The following SMYD2 variants were observed in gnomAD, a reference collection of about 807,000 sequenced individuals.
The protein encoded by SMYD2 is N-lysine methyltransferase SMYD2.
Under a neutral mutation model 59.1 loss-of-function variants are expected in SMYD2, and 53 were observed. The ratio of observed to expected loss-of-function variants is 0.90; its 90% confidence interval spans 0.72 to 1.13. The LOEUF is 1.13. Among genes scored for constraint, SMYD2 ranks in the 50% most tolerant of loss-of-function variants. The probability of loss-of-function intolerance (pLI) is 0.00; values close to 1 mark genes in which losing one functional copy is unlikely to be tolerated. For synonymous variants in SMYD2, 208 were observed against 198.8 expected, an observed-to-expected ratio of 1.05 and a Z score of -0.39; for missense variants, 494 against 544.7, an observed-to-expected ratio of 0.91 and a Z score of 0.93.
intron 6 of SMYD2, among the ~76,000 whole-genome samples, 198 bp downstream of exon 6, chr1:214,324,906 A>G (rs1020938888): frequency 2.6e-5 from 4 of 152,240 alleles, no homozygotes; most frequent in Non-Finnish European, 5.9e-5. Context: ...TTAAGAGAAC[A>G]GTTGCTTGTT....
rs532073373 is a variant in SMYD2, at chr1:214,312,572, G to A, written c.238-2190G>A. Among the ~76,000 whole-genome samples the A allele has an allele frequency of 1.8e-4, 28 of 152,278 alleles. 1 individual carries two copies. In the South Asian group the frequency reaches 5.4e-3, roughly 29 times the overall value. The stretch of plus-strand genomic sequence containing the variant: ...CTTGAGAAGGTGACATTCCAGCAGC[G>A]GCTGGAGAGGAGGGAGGGAGTCACA... On this transcript the variant is annotated intron_variant, in intron 2 of 11. Coordinates refer to ENST00000366957, the MANE Select transcript of SMYD2 (RefSeq NM_020197.3). This position sits in a 1 kb window ranked among gnomAD's most constrained non-coding sequence, Gnocchi z 4.1.
At chr1:214,302,401 A>G (rs1456245004) in intron 1 of SMYD2, among the ~76,000 whole-genome samples, 1 of 152,004 alleles carries the variant, frequency 6.6e-6, no homozygotes, top group Non-Finnish European at 1.5e-5. Context: ...CTGAAGGTTT[A>G]CTACCCTTCA....
intron 6 of SMYD2, 40 bp downstream of exon 6, chr1:214,324,748 C>A: frequency 6.4e-7 from 1 of 1,553,868 alleles, no homozygotes; most frequent in Non-Finnish European, 8.8e-7. Context: ...TTTTTACTTA[C>A]TTAACACTAA....
chr1:214,305,368 G>T, intron 2 of SMYD2, 118 bp downstream of exon 2: 1 of 972,298 alleles, frequency 1.0e-6, no homozygotes, highest in South Asian at 1.4e-5. Flanking sequence ...GGATGTGGCT[G>T]GATATCCTTG....
intron 6 of SMYD2, among the ~76,000 whole-genome samples, chr1:214,326,761 T>G (rs970824764): frequency 6.6e-6 from 1 of 152,104 alleles, no homozygotes; most frequent in Admixed American, 6.6e-5. Flanking sequence ...GGCTGTGGTC[T>G]CTGGAGGGTC....
intron 1 of SMYD2, among the ~76,000 whole-genome samples, chr1:214,304,562 A>AAAAAAAAC: frequency 6.7e-6 from 1 of 149,496 alleles, no homozygotes; most frequent in Non-Finnish European, 1.5e-5. Context: ...CTATCTCAAA[A>AAAAAAAAC]AAAAAAAAAA....
chr1:214,286,834 C>G (rs1024982155), intron 1 of SMYD2, among the ~76,000 whole-genome samples: 2 of 137,820 alleles, frequency 1.5e-5, no homozygotes, highest in Admixed American at 1.6e-4. Context: ...AGTGAGCCAT[C>G]AAAATCACTC....
At chr1:214,325,019 G>A (rs1379213214) in intron 6 of SMYD2, among the ~76,000 whole-genome samples, 1 of 152,240 alleles carries the variant, frequency 6.6e-6, no homozygotes, top group Non-Finnish European at 1.5e-5. Context: ...CCTATCTGTG[G>A]TTCTGGAAAT....
chr1:214,325,958 T>C (rs185151162), intron 6 of SMYD2, among the ~76,000 whole-genome samples: 171 of 151,862 alleles, frequency 1.1e-3, no homozygotes, highest in African/African-American at 4.1e-3. Flanking sequence ...CGGGCACGCC[T>C]TACAGGTGTG....
intron 1 of SMYD2, among the ~76,000 whole-genome samples, chr1:214,298,711 C>T (rs751918918): frequency 3.9e-5 from 6 of 152,078 alleles, no homozygotes; most frequent in African/African-American, 7.2e-5. Context: ...CAAGTAACCC[C>T]GTTAAAAAGT....
In SMYD2 at chr1:214,304,558, CAAAAAAAAA is replaced by C. The variant is rs56254326; in HGVS notation, c.174-613_174-605del. ...TGGGTGACAGAGTGAGACCCTATCT[CAAAAAAAAA>C]AAAAAAAAAAAAAAAGCATCTATCT... On this transcript the variant is annotated intron_variant, in intron 1 of 11. Transcript: ENST00000366957. Among the ~76,000 whole-genome samples, 105 of 48,036 alleles carry C rather than the reference CAAAAAAAAA, an allele frequency of 2.2e-3. 2 individuals are homozygous for C. In the South Asian group the frequency reaches 0.074, roughly 34 times the overall value. 31.5% of individuals were successfully genotyped at this position (48,036 alleles called of 152,430 possible).
intron 2 of SMYD2, among the ~76,000 whole-genome samples, chr1:214,311,095 G>A (rs114284617): frequency 0.011 from 1,711 of 152,258 alleles, 10 homozygotes; most frequent in Admixed American, 0.019. Context: ...CTATGAGCGG[G>A]ACTGTATTTA....
intron 2 of SMYD2, among the ~76,000 whole-genome samples, chr1:214,306,849 G>A (rs115637014): frequency 0.01 from 1,539 of 152,338 alleles, 6 homozygotes; most frequent in South Asian, 0.016. Context: ...AGCAGGTCCT[G>A]GCTCTGCTAC....
intron 10 of SMYD2, 95 bp from the exon 11 acceptor site, chr1:214,334,105 C>A: frequency 8.7e-7 from 1 of 1,145,426 alleles, no homozygotes; most frequent in Admixed American, 1.8e-5. Flanking sequence ...AGAGGTTGGC[C>A]CTAAGCATGG....
intron 2 of SMYD2, among the ~76,000 whole-genome samples, chr1:214,306,459 C>G (rs1656916838): frequency 6.6e-6 from 1 of 152,212 alleles, no homozygotes; most frequent in South Asian, 2.1e-4. Flanking sequence ...TCTGCCTTAG[C>G]TCTGAAGACC....
intron 1 of SMYD2, among the ~76,000 whole-genome samples, chr1:214,292,694 A>C (rs1339109895): frequency 6.6e-6 from 1 of 152,172 alleles, no homozygotes; most frequent in East Asian, 1.9e-4. Flanking sequence ...AAATACTCTC[A>C]GAACTCTTCA....
chr1:214,313,195 C>T (rs1009383337), intron 2 of SMYD2, among the ~76,000 whole-genome samples: 1 of 152,152 alleles, frequency 6.6e-6, no homozygotes, highest in African/African-American at 2.4e-5. Context: ...CGGCTCACTG[C>T]AACCTCTGCC....
chr1:214,334,237 A>C lies in SMYD2; in HGVS notation c.1150A>C (p.Met384Leu), dbSNP rs34259050. The change falls in exon 11 of 12, where the codon ATG becomes CTG. Residue 384 changes from methionine (M) to leucine (L), a missense_variant. Transcript: ENST00000366957. ...TTTGTACTCCCTCAACGTGGCCTCC[A>C]TGTGGTTGAAGCTAGGGAGACTCTA... ...YPLYSLNVAS[M>L]WLKLGRLYMG... 1.9e-6 allele frequency: 3 copies of C among 1,613,976 alleles called. No individual in the cohort carries two copies. In the Admixed American group the frequency reaches 5.0e-5, roughly 27 times the overall value.
At chr1:214,284,121 C>T (rs947719657) in intron 1 of SMYD2, among the ~76,000 whole-genome samples, 1 of 151,976 alleles carries the variant, frequency 6.6e-6, no homozygotes, top group Non-Finnish European at 1.5e-5. Flanking sequence ...GAAGGCAGCT[C>T]CTAATAATAT....
Sources: gnomAD v4.1 joint callset for allele counts (sites outside exome capture counted in the v4.1 genomes callset) on GRCh38, gnomAD v4.1.1 for gene constraint, Gnocchi (gnomAD v3.1) non-coding constraint, MANE v1.5 for transcripts, NCBI Gene and HGNC (gene_info 2026-07-23, HGNC 2026-07-21) for gene names.